Variants in AGBL4 observed in about 807,000 individuals in gnomAD.
The protein encoded by AGBL4 is AGBL carboxypeptidase 4, also known as cytosolic carboxypeptidase 6.
AGBL4 carries 58 observed loss-of-function variants against 66.4 expected under a neutral mutation model. The ratio of observed to expected loss-of-function variants is 0.87; its 90% CI spans 0.71 to 1.09. The LOEUF (loss-of-function observed/expected upper bound fraction) is 1.09. Among genes scored for constraint, AGBL4 ranks in the 50% least tolerant of loss-of-function variants. The pLI is 0.00. For missense variants in AGBL4, 579 were observed against 631.0 expected, an observed-to-expected ratio of 0.92 and a Z score of 0.88; for synonymous variants, 234 against 222.9, an observed-to-expected ratio of 1.05 and a Z score of -0.44.
intron 2 of AGBL4, among the ~76,000 whole-genome samples, chr1:49,827,805 T>C (rs1188397476): frequency 2.0e-5 from 3 of 152,210 alleles, no homozygotes; most frequent in African/African-American, 7.2e-5. Context: ...AGTAGGATCA[T>C]ATAGAGAGCC....
intron 3 of AGBL4, among the ~76,000 whole-genome samples, chr1:49,401,420 A>G (rs545613999): frequency 1.3e-5 from 2 of 152,292 alleles, no homozygotes; most frequent in South Asian, 4.1e-4. Flanking sequence ...ACATCAATTG[A>G]AAGAATCATA....
At chr1:49,833,418 C>G (rs1645753515) in intron 2 of AGBL4, among the ~76,000 whole-genome samples, 2 of 152,142 alleles carry the variant, frequency 1.3e-5, no homozygotes, top group Non-Finnish European at 2.9e-5. Flanking sequence ...AGTTTGAAGT[C>G]AGGTAGCATG....
chr1:49,980,390 G>A (rs1007111316), intron 1 of AGBL4, among the ~76,000 whole-genome samples: 2 of 152,072 alleles, frequency 1.3e-5, no homozygotes, highest in African/African-American at 2.4e-5. Context: ...ACTAAATTTT[G>A]TAAAACTGAA....
intron 9 of AGBL4, among the ~76,000 whole-genome samples, chr1:48,613,034 T>G (rs930919046): frequency 2.6e-5 from 4 of 151,954 alleles, no homozygotes; most frequent in African/African-American, 9.7e-5. Context: ...CTCGGGAGGC[T>G]GAGGCAGGAG....
intron 3 of AGBL4, among the ~76,000 whole-genome samples, chr1:49,635,856 C>T (rs1417888336): frequency 6.6e-6 from 1 of 152,082 alleles, no homozygotes; most frequent in Non-Finnish European, 1.5e-5. Flanking sequence ...ATTCCATGAC[C>T]CAGCAATTTT....
chr1:49,858,991 G>A (rs959455895), intron 1 of AGBL4, among the ~76,000 whole-genome samples: 1 of 151,390 alleles, frequency 6.6e-6, no homozygotes, highest in Non-Finnish European at 1.5e-5. Context: ...CTGGGCTACA[G>A]AGTAAGACTC....
intron 1 of AGBL4, among the ~76,000 whole-genome samples, chr1:49,873,335 G>A (rs187748607): frequency 1.3e-4 from 20 of 152,014 alleles, no homozygotes; most frequent in Admixed American, 1.1e-3. Context: ...GACAAAATCT[G>A]ATACCAGAGA....
intron 1 of AGBL4, among the ~76,000 whole-genome samples, chr1:49,870,601 A>T (rs1646815103): frequency 6.6e-6 from 1 of 151,688 alleles, no homozygotes; most frequent in Non-Finnish European, 1.5e-5. Flanking sequence ...AAAATTAAAA[A>T]TTTTTTGAAT....
intron 4 of AGBL4, among the ~76,000 whole-genome samples, chr1:49,174,187 C>G (rs1306470825): frequency 1.3e-5 from 2 of 152,080 alleles, no homozygotes; most frequent in Admixed American, 1.3e-4. Context: ...AGTTGAAACA[C>G]TGTATCATAT....
chr1:48,825,676 G>A lies in AGBL4; in HGVS notation c.634+41515C>T, dbSNP rs544299569. Among the ~76,000 whole-genome samples, 4 of 152,282 alleles carry A rather than the reference G, an allele frequency of 2.6e-5. No individual in the cohort carries two copies. The East Asian group carries it at 7.7e-4, about 29-fold the overall frequency. On this transcript the variant is annotated intron_variant, in intron 6 of 13. Coordinates refer to ENST00000371839, the MANE Select transcript of AGBL4 (RefSeq NM_032785.4). ...AACAAGTAGGAACCAAGGGGAAAGG[G>A]CATTTTCCTCAGAAGAAAGAGCATG... is the stretch of plus-strand genomic sequence containing the variant.
intron 2 of AGBL4, among the ~76,000 whole-genome samples, chr1:49,849,425 T>TATA (rs71587708): frequency 0.34 from 49,752 of 145,314 alleles, 11,446 homozygotes; most frequent in Non-Finnish European, 0.51. Context: ...TTATTATTAT[T>TATA]ATTATTATGT....
intron 12 of AGBL4, among the ~76,000 whole-genome samples, 180 bp downstream of exon 12, chr1:48,539,461 CT>C (rs1644026547): frequency 6.6e-6 from 1 of 152,030 alleles, no homozygotes; most frequent in Admixed American, 6.6e-5. Flanking sequence ...CTTAATGACA[CT>C]TTCTTTATGC....
In AGBL4 at chr1:48,703,519, A is replaced by G. The variant is rs992569115; in HGVS notation, c.635-40278T>C. Among the ~76,000 whole-genome samples the G allele has an allele frequency of 2.0e-5, 3 of 152,204 alleles. No individual in the cohort carries two copies. In the South Asian group the frequency reaches 6.2e-4, roughly 32 times the overall value. ...AGGGATGGGGTATAAAATAAAAAAG[A>G]AAAGTGACAAATACATAATAGGGAA... On this transcript the variant is annotated intron_variant, in intron 6 of 13. Coordinates refer to ENST00000371839, the MANE Select transcript of AGBL4 (RefSeq NM_032785.4).
intron 6 of AGBL4, among the ~76,000 whole-genome samples, chr1:48,849,775 C>A (rs12748359): frequency 6.6e-6 from 1 of 152,150 alleles, no homozygotes; most frequent in Non-Finnish European, 1.5e-5. Context: ...GAGCTCAAGA[C>A]TAGCCTGGCC....
At chr1:49,624,010 T>A (rs1019708356) in intron 3 of AGBL4, among the ~76,000 whole-genome samples, 9 of 151,674 alleles carry the variant, frequency 5.9e-5, no homozygotes, top group African/African-American at 9.7e-5. Flanking sequence ...AGAGTGTGTG[T>A]GTGTGTGTGT....
intron 4 of AGBL4, among the ~76,000 whole-genome samples, chr1:49,126,637 A>G (rs1645769952): frequency 6.6e-6 from 1 of 152,194 alleles, no homozygotes; most frequent in African/African-American, 2.4e-5. Context: ...ATATAATCAA[A>G]TAATACTCTT....
intron 1 of AGBL4, among the ~76,000 whole-genome samples, chr1:49,987,267 A>G (rs1294041738): frequency 6.6e-6 from 1 of 152,058 alleles, no homozygotes; most frequent in African/African-American, 2.4e-5. Flanking sequence ...TTTTGAAATT[A>G]TTTATTCCAT....
chr1:48,935,885 G>A (rs1429438210), intron 5 of AGBL4, among the ~76,000 whole-genome samples: 1 of 148,508 alleles, frequency 6.7e-6, no homozygotes, highest in East Asian at 2.0e-4. Flanking sequence ...CTTGAACCTG[G>A]GAGGCGGACG....
intron 2 of AGBL4, among the ~76,000 whole-genome samples, chr1:49,843,304 G>C (rs1369248474): frequency 6.6e-6 from 1 of 151,598 alleles, no homozygotes; most frequent in Non-Finnish European, 1.5e-5. Context: ...TTTTGTGTGT[G>C]TGTGTGTGTG....
Sources: gnomAD v4.1 joint callset for allele counts (sites outside exome capture counted in the v4.1 genomes callset) on GRCh38, gnomAD v4.1.1 for gene constraint, MANE v1.5 for transcripts, NCBI Gene and HGNC (gene_info 2026-07-23, HGNC 2026-07-21) for gene names.